CDKAL1: variants seen among roughly 807,000 people sequenced by gnomAD.
CDKAL1 encodes the protein threonylcarbamoyladenosine tRNA methylthiotransferase.
CDKAL1 carries 32 observed loss-of-function variants against 68.2 expected under a neutral mutation model. That is an observed-to-expected ratio of 0.47 (90% CI 0.35 to 0.63). The LOEUF is 0.63. CDKAL1 is among the 30% of genes least tolerant of loss of function. The pLI, the probability that CDKAL1 is intolerant of heterozygous loss-of-function variation, is 0.00. For synonymous variants in CDKAL1, 234 were observed against 244.3 expected, an observed-to-expected ratio of 0.96 and a Z score of 0.39; for missense variants, 606 against 696.7, an observed-to-expected ratio of 0.87 and a Z score of 1.47.
chr6:20,911,648 C>G (rs1046127490), intron 9 of CDKAL1, among the ~76,000 whole-genome samples: 2 of 152,118 alleles, frequency 1.3e-5, no homozygotes, highest in Admixed American at 1.3e-4. Flanking sequence ...AAATTTAATT[C>G]CTGAGTTTTA....
At chr6:20,609,237 T>TTCCTTCCTCCTTCTTCCTCCTTCCTTCC (rs1766468989) in intron 4 of CDKAL1, among the ~76,000 whole-genome samples, 1 of 116,604 alleles carries the variant, frequency 8.6e-6, no homozygotes, top group Non-Finnish European at 1.8e-5. Flanking sequence ...TTCTTCCTTC[T>TTCCTTCCTCCTTCTTCCTCCTTCCTTCC]TCCTTCCTTC....
intron 10 of CDKAL1, among the ~76,000 whole-genome samples, chr6:20,973,476 G>A (rs1470636700): frequency 6.6e-6 from 1 of 152,186 alleles, no homozygotes; most frequent in Non-Finnish European, 1.5e-5. Flanking sequence ...GCTGTGGAGG[G>A]AAAGGTGGCT....
chr6:20,954,494 A>G (rs1764684914), intron 9 of CDKAL1, among the ~76,000 whole-genome samples: 1 of 152,140 alleles, frequency 6.6e-6, no homozygotes, highest in African/African-American at 2.4e-5. Context: ...AGCGTGAGCA[A>G]ATTTCACAGG....
intron 13 of CDKAL1, among the ~76,000 whole-genome samples, chr6:21,163,999 A>G (rs1404179131): frequency 1.3e-5 from 2 of 151,960 alleles, no homozygotes; most frequent in Non-Finnish European, 2.9e-5. Flanking sequence ...TATTTTAGTT[A>G]TTAATTAGGC....
intron 5 of CDKAL1, among the ~76,000 whole-genome samples, chr6:20,684,420 T>C (rs1770525123): frequency 6.6e-6 from 1 of 152,226 alleles, no homozygotes; most frequent in Non-Finnish European, 1.5e-5. Flanking sequence ...CCAGCCTTGG[T>C]GTCAGAGTGA....
chr6:20,861,513 A>AT (rs1398339996), intron 9 of CDKAL1, among the ~76,000 whole-genome samples: 1 of 152,242 alleles, frequency 6.6e-6, no homozygotes, highest in Non-Finnish European at 1.5e-5. Flanking sequence ...ATAATCAAAT[A>AT]TTTAACAAAT....
chr6:21,016,696 A>G (rs2150851936), intron 11 of CDKAL1, among the ~76,000 whole-genome samples: 1 of 152,048 alleles, frequency 6.6e-6, no homozygotes, highest in South Asian at 2.1e-4. Flanking sequence ...CCTCAGGCAC[A>G]CATCCAAACA....
chr6:20,839,999 A>G (rs746702886), intron 8 of CDKAL1, among the ~76,000 whole-genome samples: 13 of 152,340 alleles, frequency 8.5e-5, no homozygotes, highest in African/African-American at 2.9e-4. Flanking sequence ...GCAACTAATC[A>G]TGTATTCTTA....
At chr6:21,157,710 G>A (rs981303401) in intron 13 of CDKAL1, among the ~76,000 whole-genome samples, 1 of 152,120 alleles carries the variant, frequency 6.6e-6, no homozygotes, top group African/African-American at 2.4e-5. Context: ...CACCTAACCT[G>A]GCCTTACTGA....
intron 10 of CDKAL1, among the ~76,000 whole-genome samples, chr6:20,960,639 T>C (rs1037758020): frequency 3.9e-5 from 6 of 152,266 alleles, no homozygotes; most frequent in African/African-American, 1.4e-4. Context: ...AAATGTTTAC[T>C]GAATGATGTG....
intron 9 of CDKAL1, among the ~76,000 whole-genome samples, chr6:20,943,970 C>A (rs1475980609): frequency 6.6e-6 from 1 of 152,192 alleles, no homozygotes; most frequent in Non-Finnish European, 1.5e-5. Context: ...CACATCAGTA[C>A]TCAGCCAGAG....
intron 4 of CDKAL1, among the ~76,000 whole-genome samples, chr6:20,605,347 T>G (rs973731427): frequency 6.6e-6 from 1 of 152,224 alleles, no homozygotes; most frequent in African/African-American, 2.4e-5. Context: ...GATCTGGGTC[T>G]TCTTTTTAAT....
At chr6:20,657,101 A>G (rs961299138) in intron 5 of CDKAL1, among the ~76,000 whole-genome samples, 1 of 152,170 alleles carries the variant, frequency 6.6e-6, no homozygotes, top group Non-Finnish European at 1.5e-5. Flanking sequence ...ATTTTGCTTT[A>G]TTCAGATATT....
At chr6:20,897,556 TC>T (rs1307532210) in intron 9 of CDKAL1, among the ~76,000 whole-genome samples, 1 of 152,128 alleles carries the variant, frequency 6.6e-6, no homozygotes, top group African/African-American at 2.4e-5. Context: ...AGGGAAGTCT[TC>T]CTAGAAATAG....
chr6:20,835,900 C>T (rs1352116520), intron 8 of CDKAL1, among the ~76,000 whole-genome samples: 1 of 152,130 alleles, frequency 6.6e-6, no homozygotes, highest in Non-Finnish European at 1.5e-5. Flanking sequence ...GGAGCTTCTA[C>T]TACCGGCACC....
chr6:21,038,944 A>T (rs918992768), intron 11 of CDKAL1, among the ~76,000 whole-genome samples: 1 of 152,204 alleles, frequency 6.6e-6, no homozygotes, highest in African/African-American at 2.4e-5. Flanking sequence ...CCTAGGTGTG[A>T]ATATTCAAGA....
intron 13 of CDKAL1, among the ~76,000 whole-genome samples, chr6:21,192,146 C>T (rs1244364410): frequency 2.7e-5 from 4 of 148,376 alleles, no homozygotes; most frequent in Admixed American, 6.7e-5. Context: ...CTCAGCCTCC[C>T]GAGTAGCTGG....
chr6:20,800,664 C>T (rs1460346182), intron 8 of CDKAL1: 1 of 152,148 alleles, frequency 6.6e-6, no homozygotes, highest in Non-Finnish European at 1.5e-5. Flanking sequence ...GCTCCGTTGC[C>T]CATGCTGGAG....
chr6:20,558,209 G>A (rs1037007796), intron 4 of CDKAL1, among the ~76,000 whole-genome samples: 5 of 152,138 alleles, frequency 3.3e-5, no homozygotes, highest in African/African-American at 9.7e-5. Flanking sequence ...AAATAAAAGC[G>A]AAGTACCAGT....
Sources: allele counts gnomAD v4.1 joint callset (sites outside exome capture counted in the v4.1 genomes callset), GRCh38; gene constraint gnomAD v4.1.1; transcripts MANE v1.5; gene names NCBI Gene and HGNC (gene_info 2026-07-23, HGNC 2026-07-21).